RYR3: variants seen among roughly 807,000 people sequenced by gnomAD.
The protein encoded by RYR3 is ryanodine receptor 3.
In RYR3, 207 loss-of-function variants were observed where a neutral mutation model predicts 584.3. That is an observed-to-expected ratio of 0.35 (90% confidence interval 0.32 to 0.40). RYR3 has a LOEUF of 0.40. Ranked by LOEUF, RYR3 falls within the 10% of genes least tolerant of loss-of-function variation. The pLI is 1.00. For synonymous variants in RYR3, 2,416 were observed against 2,248.5 expected, an observed-to-expected ratio of 1.07 and a Z score of -2.11; for missense variants, 5,616 against 6,089.2, an observed-to-expected ratio of 0.92 and a Z score of 2.59.
At chr15:33,825,860 G>A (rs2077354801) in intron 82 of RYR3, 184 bp downstream of exon 82, 2 of 536,254 alleles carry the variant, frequency 3.7e-6, no homozygotes, top group Non-Finnish European at 6.6e-6. Flanking sequence ...ATCCTCCCGA[G>A]TAGATGGGAT....
chr15:33,785,896 A>G lies in RYR3; in HGVS notation c.9503A>G (p.His3168Arg), dbSNP rs1262520122. ...TGCTGCACCAAGGTCACCTCTGAACACCTCAGTCTCATCCTGGGCAACATT... is the reference window on the plus strand; with the variant it reads ...TGCTGCACCAAGGTCACCTCTGAACGCCTCAGTCTCATCCTGGGCAACATT... Reference protein sequence around the residue: ...GPCCTKVTSEHLSLILGNILK... With the variant: ...GPCCTKVTSERLSLILGNILK... The change falls in exon 66 of 104, where the codon CAC becomes CGC. Residue 3168 changes from histidine (H) to arginine (R), a missense_variant. Physicochemically the swap from His to Arg is conservative, Grantham distance 29 (BLOSUM62 0). Coordinates refer to ENST00000634891, the MANE Select transcript of RYR3 (RefSeq NM_001036.6). 2 of 1,613,474 alleles carry G rather than the reference A, an allele frequency of 1.2e-6. No homozygotes were observed. Among genetic ancestry groups the G allele is most frequent in the Admixed American group, 1.7e-5 (1 of 59,972 alleles).
chr15:33,311,854 G>A lies in RYR3; in HGVS notation c.51+758G>A, dbSNP rs1251577981. On this transcript the variant is annotated intron_variant, in intron 1 of 103. Coordinates refer to ENST00000634891, the MANE Select transcript of RYR3 (RefSeq NM_001036.6). The surrounding 1 kb of genome is among the most constrained non-coding windows in gnomAD (Gnocchi z 4.4). ...GAGGGCGCTGCTCCGTCCCAGATTT[G>A]GGGGTGAGGGGGCGAAGTCTGTTGC... Among the ~76,000 whole-genome samples, 1 of 152,208 alleles carries A rather than the reference G, an allele frequency of 6.6e-6. No homozygotes were observed. Among genetic ancestry groups the A allele is most frequent in the East Asian group, 1.9e-4 (1 of 5,182 alleles).
rs973409047 is a variant in RYR3 at position 33,681,711 on chromosome 15, C to A, written c.5860+11155C>A. 2.0e-5 allele frequency among the ~76,000 whole-genome samples: 3 copies of A among 152,186 alleles called. No homozygotes were observed. The East Asian group carries it at 5.8e-4, about 29-fold the overall frequency. On this transcript the variant is annotated intron_variant, in intron 38 of 103. Coordinates refer to ENST00000634891, the MANE Select transcript of RYR3 (RefSeq NM_001036.6). Reference sequence around the variant, plus strand: ...CCTTTACATGCACATAATTATTTTTCTTTTCCCATTGTAATGTGAGCATTA... The same window carrying A: ...CCTTTACATGCACATAATTATTTTTATTTTCCCATTGTAATGTGAGCATTA...
Position 33,597,609 on chromosome 15 carries a change from A to G in RYR3, c.1789-3810A>G, listed in dbSNP as rs570435492. ...CTGGGCGACAGTGCAACAGTGTGAG[A>G]CTCTGTCTCAAAAAAAAAAAAAAGA... On this transcript the variant is annotated intron_variant, in intron 16 of 103. Transcript: ENST00000634891. 1.4e-4 allele frequency among the ~76,000 whole-genome samples: 17 copies of G among 123,386 alleles called. 1 individual carries two copies. In the South Asian group the frequency reaches 3.0e-3, roughly 22 times the overall value. The allele number at this position is 123,386 out of a possible 152,430, so 80.9% of individuals were successfully genotyped here.
At chr15:33,350,724 C>T (rs918472118) in intron 1 of RYR3, among the ~76,000 whole-genome samples, 1 of 152,062 alleles carries the variant, frequency 6.6e-6, no homozygotes, top group Non-Finnish European at 1.5e-5. Context: ...AGAACAAAGA[C>T]ACCACATACC....
chr15:33,594,518 A>G lies in RYR3; in HGVS notation c.1789-6901A>G, dbSNP rs531551208. ...CAGCAACATTTGAAGCAAAAAGTCA[A>G]AAAGATTACTTCAGTTTTTTGTTGC... On this transcript the variant is annotated intron_variant, in intron 16 of 103. Coordinates refer to ENST00000634891, the MANE Select transcript of RYR3 (RefSeq NM_001036.6). Among the ~76,000 whole-genome samples the G allele has an allele frequency of 7.9e-5, 12 of 152,342 alleles. No homozygotes were observed. The South Asian group carries it at 2.5e-3, about 32-fold the overall frequency.
rs1322033762 is a variant in RYR3 at position 33,649,291 on chromosome 15, CA to C, written c.4142+57del. 1.2e-5 allele frequency: 18 copies of C among 1,523,146 alleles called. No individual in the cohort carries two copies. In the Admixed American group the frequency reaches 3.1e-4, roughly 26 times the overall value. The allele number at this position is 1,523,146 out of a possible 1,614,324, so 94.4% of individuals were successfully genotyped here. A position where few individuals can be genotyped will look rare whatever the true frequency, so the allele number is the denominator to read the frequency against. ...CATCGGGCTTCTCAGTCCCTCCCCC[CA>C]GTCTTTTTCTTCCACCCCACACCCA... On this transcript the variant is annotated intron_variant, in intron 31 of 103. Coordinates refer to ENST00000634891, the MANE Select transcript of RYR3 (RefSeq NM_001036.6).
At chr15:33,852,738 C>G (rs1378173345) in intron 94 of RYR3, 5 of 266,774 alleles carry the variant, frequency 1.9e-5, no homozygotes, top group Non-Finnish European at 3.6e-5. Flanking sequence ...AGGGAAAGGA[C>G]TTAGAAACAT....
chr15:33,769,309 A>G, intron 62 of RYR3, 137 bp downstream of exon 62: 1 of 716,480 alleles, frequency 1.4e-6, no homozygotes, highest in Non-Finnish European at 2.5e-6. Flanking sequence ...CAAAGACCCT[A>G]GAAGTTAGCA....
rs2152568111 is a variant in RYR3 at position 33,613,331 on chromosome 15, A to C, written c.2313A>C (p.Thr771=). 6.2e-7 allele frequency: 1 copy of C among 1,613,206 alleles called. No individual in the cohort carries two copies. Among genetic ancestry groups the C allele is most frequent in the East Asian group, 2.2e-5 (1 of 44,862 alleles). ...PVQGMFENFN[T]DGLFFPVMSF... is the part of the protein sequence containing the mutation. ...AGGGGATGTTTGAGAACTTCAACAC[A>C]GACGGGCTCTTCTTCCCTGTGATGA... Residue 771 remains threonine (T), a synonymous_variant, in exon 19 of 104, where the codon ACA becomes ACC. Transcript: ENST00000634891.
At chr15:33,741,925 G>C (rs1304210613) in intron 51 of RYR3, among the ~76,000 whole-genome samples, 1 of 152,036 alleles carries the variant, frequency 6.6e-6, no homozygotes, top group Non-Finnish European at 1.5e-5. Flanking sequence ...CAAAATTCGA[G>C]TATTTTACCA....
chr15:33,384,679 AT>A (rs11343432), intron 1 of RYR3, among the ~76,000 whole-genome samples: 110,712 of 150,922 alleles, frequency 0.73, 40,748 homozygotes, highest in Non-Finnish European at 0.76. Flanking sequence ...CATACTTACC[AT>A]TTTTTTGTGA....
chr15:33,673,490 G>GA (rs1370614411), intron 38 of RYR3, among the ~76,000 whole-genome samples: 1 of 152,110 alleles, frequency 6.6e-6, no homozygotes, highest in Non-Finnish European at 1.5e-5. Flanking sequence ...ATGAACAAGT[G>GA]AAAAAATCTA....
chr15:33,471,952 G>GCA (rs1386903029), intron 1 of RYR3, among the ~76,000 whole-genome samples: 1 of 152,058 alleles, frequency 6.6e-6, no homozygotes, highest in Non-Finnish European at 1.5e-5. Flanking sequence ...GGATCTAGGG[G>GCA]CACACTCCAC....
At chr15:33,374,499 T>C (rs1438830968) in intron 1 of RYR3, among the ~76,000 whole-genome samples, 1 of 152,122 alleles carries the variant, frequency 6.6e-6, no homozygotes, top group Non-Finnish European at 1.5e-5. Context: ...CAACTATGCC[T>C]TCTTTGCTTT....
At position 33,748,486 on chromosome 15, in the gene RYR3, G is replaced by T; in HGVS notation, c.8155G>T (p.Ala2719Ser). 1 of 1,613,420 alleles carries T rather than the reference G, an allele frequency of 6.2e-7. No homozygotes were observed. The highest frequency in any genetic ancestry group is 8.5e-7 in the Non-Finnish European group (1 of 1,179,742). Residue 2719 changes from alanine to serine, a missense_variant, in exon 55 of 104, where the codon GCT becomes TCT. Ala to Ser is a moderately conservative substitution (Grantham distance 99). This residue lies in a region of RYR3 where 1,280 missense variants were observed against 1,426.2 expected (regional missense o/e 0.90). Transcript: ENST00000634891. ...TTCCTAGGGCAACAGCTACAGTCCT[G>T]CTCCCCTCGACCTCTCAAACGTTGT... ...QANQGNSYSP[A>S]PLDLSNVVLS...
At chr15:33,748,005 G>A (rs2070914694) in intron 53 of RYR3, 109 bp from the exon 54 acceptor site, 6 of 950,320 alleles carry the variant, frequency 6.3e-6, no homozygotes, top group Non-Finnish European at 1.0e-5. Flanking sequence ...GAAGGCTGGT[G>A]CTAACTAGCA....
rs2063780939 is a variant in RYR3 at position 33,670,529 on chromosome 15, C to A, written c.5833C>A (p.Pro1945Thr). 1 of 1,594,978 alleles carries A rather than the reference C, an allele frequency of 6.3e-7. No individual in the cohort carries two copies. Among genetic ancestry groups the A allele is most frequent in the Non-Finnish European group, 8.5e-7 (1 of 1,173,720 alleles). ...KGPPKPEKEQ[P>T]TEEEERCPTT... is the part of the protein sequence containing the mutation. ...CCCACCCAAGCCAGAGAAGGAGCAG[C>A]CGACGGAGGAGGAGGAGAGATGCCC... The change falls in exon 38 of 104, where the codon CCG becomes ACG. Residue 1945 changes from proline (P) to threonine (T), a missense_variant. Physicochemically the swap from Pro to Thr is conservative, Grantham distance 38. This residue lies in a region of RYR3 where 1,280 missense variants were observed against 1,426.2 expected (regional missense o/e 0.90). Coordinates refer to ENST00000634891, the MANE Select transcript of RYR3 (RefSeq NM_001036.6).
chr15:33,677,245 G>A (rs2064244820), intron 38 of RYR3, among the ~76,000 whole-genome samples: 2 of 152,188 alleles, frequency 1.3e-5, no homozygotes, highest in African/African-American at 4.8e-5. Context: ...AGGGGGATAG[G>A]GAAGCATGGA....
Sources: gnomAD v4.1 joint callset for allele counts (sites outside exome capture counted in the v4.1 genomes callset) on GRCh38, gnomAD v4.1.1 for gene constraint, gnomAD v4.1.1 regional missense constraint, Gnocchi (gnomAD v3.1) non-coding constraint, MANE v1.5 for transcripts, NCBI Gene and HGNC (gene_info 2026-07-23, HGNC 2026-07-21) for gene names.